Variants in MYO16 observed in about 807,000 individuals in gnomAD.
MYO16 encodes myosin XVI.
In MYO16, 94 loss-of-function variants were observed where a neutral mutation model predicts 205.3. The ratio of observed to expected loss-of-function variants is 0.46; its 90% CI spans 0.39 to 0.54. The LOEUF (loss-of-function observed/expected upper bound fraction) is 0.54. MYO16 is among the 20% of genes least tolerant of loss of function. The pLI is 0.00. For synonymous variants in MYO16, 988 were observed against 954.0 expected, an observed-to-expected ratio of 1.04 and a Z score of -0.66; for missense variants, 2,315 against 2,387.5, an observed-to-expected ratio of 0.97 and a Z score of 0.63.
chr13:108,681,745 GC>G (rs1594204855), intron 2 of MYO16, among the ~76,000 whole-genome samples: 1 of 152,272 alleles, frequency 6.6e-6, no homozygotes, highest in East Asian at 1.9e-4. Flanking sequence ...GATTTCTAAA[GC>G]CATCCATGTT....
At chr13:109,099,690 G>A (rs537714236) in intron 27 of MYO16, among the ~76,000 whole-genome samples, 10 of 152,202 alleles carry the variant, frequency 6.6e-5, no homozygotes, top group African/African-American at 1.7e-4. Flanking sequence ...GTGAGCCCTC[G>A]TTTACCCACA....
intron 21 of MYO16, among the ~76,000 whole-genome samples, chr13:109,006,931 G>A (rs1885405679): frequency 6.6e-6 from 1 of 152,144 alleles, no homozygotes; most frequent in Non-Finnish European, 1.5e-5. Context: ...AAGGAGATGG[G>A]GAGGAAGCAG....
chr13:108,780,359 TA>T (rs34109900), intron 4 of MYO16, among the ~76,000 whole-genome samples: 114,733 of 145,084 alleles, frequency 0.79, 45,344 homozygotes, highest in East Asian at 0.98. Flanking sequence ...ACGTCTGATT[TA>T]AAAAAAAAAA....
Position 109,179,669 on chromosome 13 carries a change from A to C in MYO16, c.5415+36A>C, listed in dbSNP as rs749010795. On this transcript the variant is annotated intron_variant, in intron 34 of 34. Transcript: ENST00000457511. ...CTGTCTGTTCACATGTGCAGTGACA[A>C]ATGGAATTAAGTTATGACAAGGCAT... The C allele has an allele frequency of 2.6e-6, 4 of 1,514,926 alleles. No individual in the cohort carries two copies. In the South Asian group the frequency reaches 4.5e-5, roughly 17 times the overall value. The allele number at this position is 1,514,926 out of a possible 1,614,324, so 93.8% of individuals were successfully genotyped here.
intron 17 of MYO16, among the ~76,000 whole-genome samples, chr13:108,960,047 C>T (rs1467530612): frequency 4.6e-5 from 7 of 150,958 alleles, no homozygotes; most frequent in Non-Finnish European, 7.4e-5. Context: ...CCAAGATGAG[C>T]GGATTGCTTG....
intron 1 of MYO16, among the ~76,000 whole-genome samples, chr13:108,664,115 G>T (rs1360353258): frequency 6.6e-6 from 1 of 152,132 alleles, no homozygotes; most frequent in Admixed American, 6.5e-5. Flanking sequence ...ACTGGACAGG[G>T]AATATTTTAT....
At chr13:108,702,592 A>G (rs142684344) in intron 2 of MYO16, among the ~76,000 whole-genome samples, 42 of 152,346 alleles carry the variant, frequency 2.8e-4, no homozygotes, top group African/African-American at 9.4e-4. Context: ...TTGAATTTGC[A>G]TAAAAGATAA....
intron 28 of MYO16, among the ~76,000 whole-genome samples, chr13:109,110,265 A>G (rs1238457793): frequency 6.6e-6 from 1 of 152,204 alleles, no homozygotes; most frequent in Non-Finnish European, 1.5e-5. Context: ...CTTTTTCACA[A>G]TGTGTCTCTT....
At chr13:108,783,583 G>A (rs1209734471) in intron 4 of MYO16, among the ~76,000 whole-genome samples, 1 of 152,084 alleles carries the variant, frequency 6.6e-6, no homozygotes, top group Non-Finnish European at 1.5e-5. Context: ...AGGGACCAGG[G>A]GCAGAATGAT....
At chr13:108,786,966 A>G (rs1886475957) in intron 5 of MYO16, among the ~76,000 whole-genome samples, 1 of 152,356 alleles carries the variant, frequency 6.6e-6, no homozygotes, top group Admixed American at 6.5e-5. Flanking sequence ...TGAAGCTTGA[A>G]GTTATACAGA....
At chr13:109,175,035 C>G (rs1208167174) in intron 33 of MYO16, among the ~76,000 whole-genome samples, 1 of 152,222 alleles carries the variant, frequency 6.6e-6, no homozygotes, top group East Asian at 1.9e-4. Context: ...CAGGCGTGAG[C>G]CACTGCACCC....
At chr13:109,109,976 C>T (rs745638925) in intron 28 of MYO16, among the ~76,000 whole-genome samples, 4 of 152,198 alleles carry the variant, frequency 2.6e-5, no homozygotes, top group Non-Finnish European at 5.9e-5. Flanking sequence ...AAGAAAAGCA[C>T]ACATCAAAAT....
In MYO16 at chr13:109,007,313, G is replaced by A. The variant is rs565931561; in HGVS notation, c.2443-1584G>A. 4.5e-4 allele frequency among the ~76,000 whole-genome samples: 68 copies of A among 152,030 alleles called. No individual in the cohort carries two copies. The Middle Eastern group carries it at 0.017, about 38-fold the overall frequency. ...TGAGGCAGGATAATGGTGTGAACCC[G>A]TGAGGCGGAGCTTGCAGTGAGCCGA... On this transcript the variant is annotated intron_variant, in intron 21 of 34. Transcript: ENST00000457511.
chr13:109,132,294 C>T (rs1594111992), intron 31 of MYO16, among the ~76,000 whole-genome samples: 3 of 152,338 alleles, frequency 2.0e-5, no homozygotes, highest in East Asian at 3.9e-4. Context: ...CAGACTCCAG[C>T]TGTCCCCTCC....
intron 16 of MYO16, among the ~76,000 whole-genome samples, chr13:108,954,833 A>C (rs953883869): frequency 1.3e-5 from 2 of 152,150 alleles, no homozygotes; most frequent in Non-Finnish European, 2.9e-5. Flanking sequence ...TTTCTTACTG[A>C]TATCATTGTC....
At chr13:108,824,982 A>G (rs943188681) in intron 9 of MYO16, among the ~76,000 whole-genome samples, 2 of 152,136 alleles carry the variant, frequency 1.3e-5, no homozygotes, top group Admixed American at 1.3e-4. Context: ...CCAAATGTTT[A>G]AAGAATTAAC....
At chr13:108,737,415 G>A (rs1373251636) in intron 4 of MYO16, among the ~76,000 whole-genome samples, 1 of 152,090 alleles carries the variant, frequency 6.6e-6, no homozygotes, top group Non-Finnish European at 1.5e-5. Flanking sequence ...TTTGTCTTTG[G>A]TTCTGTTTAT....
chr13:108,782,239 G>C (rs2391694), intron 4 of MYO16, among the ~76,000 whole-genome samples: 35,702 of 152,124 alleles, frequency 0.23, 4,376 homozygotes, highest in African/African-American at 0.3. Context: ...GGTGGCCTCA[G>C]ATGGAGTTGA....
chr13:108,788,140 C>T (rs193192252), intron 5 of MYO16, among the ~76,000 whole-genome samples: 36 of 152,220 alleles, frequency 2.4e-4, no homozygotes, highest in African/African-American at 6.3e-4. Flanking sequence ...TGTGCAGTTT[C>T]GCATCCGAGT....
Sources: allele counts gnomAD v4.1 joint callset (sites outside exome capture counted in the v4.1 genomes callset), GRCh38; gene constraint gnomAD v4.1.1; transcripts MANE v1.5; gene names NCBI Gene and HGNC (gene_info 2026-07-23, HGNC 2026-07-21).